The following SMOC1 variants were observed in gnomAD, a reference collection of about 807,000 sequenced individuals.
SMOC1 encodes SPARC related modular calcium binding 1.
In SMOC1, 22 loss-of-function variants were observed where a neutral mutation model predicts 56.3. The ratio of observed to expected loss-of-function variants is 0.39; its 90% CI spans 0.28 to 0.56. The LOEUF is 0.56. SMOC1 is among the 20% of genes least tolerant of loss of function. SMOC1 has a pLI of 0.61. For synonymous variants in SMOC1, 193 were observed against 215.0 expected (o/e 0.90, Z 0.89); for missense variants, 509 against 565.4 (o/e 0.90, Z 1.01).
At position 70,013,372 on chromosome 14, in the gene SMOC1, AT is replaced by A. The variant is rs778391287; in HGVS notation, c.941-10del. On this transcript the variant is annotated splice_polypyrimidine_tract_variant and intron_variant, in intron 9 of 11. Coordinates refer to ENST00000361956, the MANE Select transcript of SMOC1 (RefSeq NM_001034852.3). Reference sequence around the variant, plus strand: ...TATCTGGCATCTACCTTCAAATCTCATTTTATCTTTTAGGCTGTCCAGAAGG... The same window carrying A: ...TATCTGGCATCTACCTTCAAATCTCATTTATCTTTTAGGCTGTCCAGAAGG... 129 of 1,610,820 alleles carry A rather than the reference AT, an allele frequency of 8.0e-5. No individual in the cohort carries two copies. Among genetic ancestry groups the A allele is most frequent in the Non-Finnish European group, 1.1e-4 (127 of 1,177,112 alleles).
At chr14:69,999,928 C>T (rs1884905871) in intron 7 of SMOC1, among the ~76,000 whole-genome samples, 1 of 152,250 alleles carries the variant, frequency 6.6e-6, no homozygotes, top group East Asian at 1.9e-4. Context: ...CGTGCTGCAC[C>T]AGCAAGGGTT....
At chr14:69,941,071 A>G (rs1309668532) in intron 1 of SMOC1, among the ~76,000 whole-genome samples, 2 of 152,106 alleles carry the variant, frequency 1.3e-5, no homozygotes, top group Non-Finnish European at 2.9e-5. Context: ...ACTCATGCAA[A>G]GAAGTATTTT....
chr14:69,930,408 G>T (rs1594808082), intron 1 of SMOC1, among the ~76,000 whole-genome samples: 1 of 152,306 alleles, frequency 6.6e-6, no homozygotes, highest in South Asian at 2.1e-4. Context: ...GCATGAGGGT[G>T]AGCAGAAACC....
intron 11 of SMOC1, among the ~76,000 whole-genome samples, chr14:70,025,495 TC>T (rs1292051720): frequency 1.3e-5 from 2 of 152,148 alleles, no homozygotes; most frequent in Non-Finnish European, 2.9e-5. Context: ...GCTTCTCTGT[TC>T]CCATAGTACT....
chr14:69,963,180 T>A (rs1883445378), intron 3 of SMOC1, among the ~76,000 whole-genome samples: 5 of 152,156 alleles, frequency 3.3e-5, no homozygotes, highest in Admixed American at 3.3e-4. Context: ...AGGGTTGTTC[T>A]GCACCCATGT....
rs548010248 is a variant in SMOC1, at chr14:69,920,211, A to G, written c.100-31927A>G. Among the ~76,000 whole-genome samples the G allele has an allele frequency of 2.6e-5, 4 of 152,354 alleles. No homozygotes were observed. The East Asian group carries it at 7.7e-4, about 29-fold the overall frequency. ...CTTAGAGCCCCTTCTATTTGGCAGT[A>G]GAAAACTCCTTCTGTGATCTCTAGG... is the stretch of plus-strand genomic sequence containing the variant. On this transcript the variant is annotated intron_variant, in intron 1 of 11. Coordinates refer to ENST00000361956, the MANE Select transcript of SMOC1 (RefSeq NM_001034852.3).
intron 1 of SMOC1, among the ~76,000 whole-genome samples, chr14:69,915,001 G>T (rs1428214631): frequency 1.3e-5 from 2 of 152,036 alleles, no homozygotes; most frequent in African/African-American, 4.8e-5. Flanking sequence ...CAGGTAGCTG[G>T]AATTATAGCC....
At chr14:69,910,353 C>A (rs1455056163) in intron 1 of SMOC1, among the ~76,000 whole-genome samples, 1 of 152,160 alleles carries the variant, frequency 6.6e-6, no homozygotes, top group African/African-American at 2.4e-5. Context: ...TACCATGCTG[C>A]CTTAATAGCA....
chr14:69,911,442 C>T (rs1040293450), intron 1 of SMOC1, among the ~76,000 whole-genome samples: 1 of 152,200 alleles, frequency 6.6e-6, no homozygotes, highest in South Asian at 2.1e-4. Context: ...AGTTGTGTAA[C>T]CACCACAATC....
intron 1 of SMOC1, chr14:69,886,196 G>GTAT (rs1883806055): frequency 2.4e-6 from 2 of 824,266 alleles, no homozygotes; most frequent in Non-Finnish European, 2.0e-6. Context: ...TGGTCCACTT[G>GTAT]TATTCTAACT....
At chr14:69,970,386 G>C (rs1883715730) in intron 3 of SMOC1, among the ~76,000 whole-genome samples, 1 of 152,138 alleles carries the variant, frequency 6.6e-6, no homozygotes, top group African/African-American at 2.4e-5. Context: ...AAGTGTTTGG[G>C]TTAGATTGGT....
intron 1 of SMOC1, among the ~76,000 whole-genome samples, 187 bp from the exon 2 acceptor site, chr14:69,951,951 A>T (rs1883011296): frequency 6.6e-6 from 1 of 152,218 alleles, no homozygotes; most frequent in African/African-American, 2.4e-5. Context: ...TATTGTTCTT[A>T]TGATGCATAG....
At chr14:69,885,427 A>G (rs1883773344) in intron 1 of SMOC1, 1 of 1,601,224 alleles carries the variant, frequency 6.2e-7, no homozygotes, top group African/African-American at 1.3e-5. Context: ...GGACATTGCC[A>G]CCCCAGTGAC....
At position 69,894,221 on chromosome 14, in the gene SMOC1, T is replaced by C. The variant is rs193152385; in HGVS notation, c.99+14444T>C. 7.9e-5 allele frequency among the ~76,000 whole-genome samples: 12 copies of C among 152,280 alleles called. No homozygotes were observed. The East Asian group carries it at 2.3e-3, about 29-fold the overall frequency. On this transcript the variant is annotated intron_variant, in intron 1 of 11. Transcript: ENST00000361956. Reference sequence around the variant, plus strand: ...TGTAGCTTCCCTCTGCCTTGTGTGGTGCATGTTTTATCCCAAGTCCAGCTT... The same window carrying C: ...TGTAGCTTCCCTCTGCCTTGTGTGGCGCATGTTTTATCCCAAGTCCAGCTT...
At position 70,027,484 on chromosome 14, in the gene SMOC1, G is replaced by A. The variant is rs1281445062; in HGVS notation, c.1292-2758G>A. ...AGGGTGCCACCAGCAACCTGAGTGG[G>A]GAAGCCCACAGTTTCCAGGCAGGCA... On this transcript the variant is annotated intron_variant, in intron 11 of 11. Transcript: ENST00000361956. 3.3e-5 allele frequency among the ~76,000 whole-genome samples: 5 copies of A among 152,130 alleles called. No homozygotes were observed. In the South Asian group the frequency reaches 1.0e-3, roughly 32 times the overall value.
At chr14:69,913,401 G>A (rs1884605210) in intron 1 of SMOC1, among the ~76,000 whole-genome samples, 1 of 152,182 alleles carries the variant, frequency 6.6e-6, no homozygotes, top group African/African-American at 2.4e-5. Flanking sequence ...AGGGCTGCCA[G>A]ATAAAATACA....
chr14:69,901,820 A>G (rs1443568620), intron 1 of SMOC1, among the ~76,000 whole-genome samples: 2 of 152,202 alleles, frequency 1.3e-5, no homozygotes, highest in Non-Finnish European at 2.9e-5. Context: ...ATGCATTGGG[A>G]GAGGGAAATT....
chr14:69,978,692 A>AAG (rs1259466734), intron 5 of SMOC1, among the ~76,000 whole-genome samples: 1 of 152,178 alleles, frequency 6.6e-6, no homozygotes, highest in Non-Finnish European at 1.5e-5. Flanking sequence ...GTGACAAGGT[A>AAG]AGAGAGAGAG....
At chr14:69,964,526 C>T (rs1355525621) in intron 3 of SMOC1, among the ~76,000 whole-genome samples, 1 of 151,888 alleles carries the variant, frequency 6.6e-6, no homozygotes, top group Non-Finnish European at 1.5e-5. Context: ...TACAGGTGCC[C>T]ACCACCACGC....
Sources: allele counts gnomAD v4.1 joint callset (sites outside exome capture counted in the v4.1 genomes callset), GRCh38; gene constraint gnomAD v4.1.1; transcripts MANE v1.5; gene names NCBI Gene and HGNC (gene_info 2026-07-23, HGNC 2026-07-21).